NOC3L: variants seen among roughly 807,000 people sequenced by gnomAD.
NOC3L encodes nucleolar complex protein 3 homolog.
NOC3L carries 85 observed loss-of-function variants against 102.5 expected under a neutral mutation model. The observed-to-expected ratio is 0.83, with a 90% CI of 0.70 to 0.99. The LOEUF (loss-of-function observed/expected upper bound fraction) is 0.99. Among genes scored for constraint, NOC3L ranks in the 50% least tolerant of loss-of-function variants. The probability of loss-of-function intolerance (pLI) is 0.00; values close to 1 mark genes in which losing one functional copy is unlikely to be tolerated. For missense variants in NOC3L, 878 were observed against 914.9 expected, an observed-to-expected ratio of 0.96 and a Z score of 0.52; for synonymous variants, 303 against 309.4, an observed-to-expected ratio of 0.98 and a Z score of 0.22.
intron 8 of NOC3L, among the ~76,000 whole-genome samples, chr10:94,351,691 A>ATTT (rs72378230): frequency 1.4e-5 from 2 of 139,994 alleles, no homozygotes; most frequent in Non-Finnish European, 3.1e-5. Context: ...ATCATGCCTA[A>ATTT]TTTTTTTTTT....
intron 4 of NOC3L, 45 bp downstream of exon 4, chr10:94,357,128 TA>T: frequency 7.3e-7 from 1 of 1,361,098 alleles, no homozygotes; most frequent in Non-Finnish European, 9.8e-7. Flanking sequence ...ATGATATCAG[TA>T]AGGGGGTAAA....
Position 94,355,064 on chromosome 10 carries a change from T to G in NOC3L, c.595A>C (p.Thr199Pro). 2 of 1,612,572 alleles carry G rather than the reference T, an allele frequency of 1.2e-6. No individual in the cohort carries two copies. The highest frequency in any genetic ancestry group is 1.7e-6 in the Non-Finnish European group (2 of 1,179,298). ...CTCTCAATCAAATGTTCTTCTATGG[T>G]CAGCTCTTGAATAGGATCTTCAATG... ...EIIEDPIQEL[T>P]IEEHLIERKK... Residue 199 changes from threonine to proline, a missense_variant, in exon 6 of 21, where the codon ACC (threonine) becomes CCC (proline). Transcript: ENST00000371361.
the NOC3L span, among the ~76,000 whole-genome samples, chr10:94,327,119 G>A: frequency 1.2e-4 from 18 of 152,070 alleles, no homozygotes; most frequent in African/African-American, 3.9e-4. Context: ...CCGAGATTGC[G>A]CCACTGCACT....
chr10:94,338,660 G>C lies in NOC3L; in HGVS notation c.2039C>G (p.Pro680Arg). Residue 680 changes from proline (P) to arginine (R), a missense_variant, in exon 18 of 21, where the codon CCT becomes CGT. By Grantham distance (103) the Pro-to-Arg change is moderately radical. Transcript: ENST00000371361. Reference protein sequence around the residue: ...SGVFLPELDEPEYCNAQNTAL... With the variant: ...SGVFLPELDEREYCNAQNTAL... ...AGTGTTCTGAGCATTGCAGTACTCAGGCTCATCCAGTTCAGGAAGGAAAAC... is the reference window on the plus strand; with the variant it reads ...AGTGTTCTGAGCATTGCAGTACTCACGCTCATCCAGTTCAGGAAGGAAAAC... 1 of 1,613,320 alleles carries C rather than the reference G, an allele frequency of 6.2e-7. No homozygotes were observed. The highest frequency in any genetic ancestry group is 8.5e-7 in the Non-Finnish European group (1 of 1,179,450).
chr10:94,346,826 A>C (rs1366624595), intron 10 of NOC3L, among the ~76,000 whole-genome samples: 1 of 152,162 alleles, frequency 6.6e-6, no homozygotes, highest in African/African-American at 2.4e-5. Flanking sequence ...GAGTATAAGG[A>C]AGAGAGAACA....
At position 94,340,438 on chromosome 10, in the gene NOC3L, C is replaced by T; in HGVS notation, c.1703G>A (p.Gly568Glu). The T allele has an allele frequency of 1.2e-6, 2 of 1,607,448 alleles. No homozygotes were observed. The highest frequency in any genetic ancestry group is 2.2e-5 in the South Asian group (2 of 90,804). The change falls in exon 15 of 21, where the codon GGA (glycine) becomes GAA (glutamate). Residue 568 changes from glycine (G) to glutamate (E), a missense_variant. Coordinates refer to ENST00000371361, the MANE Select transcript of NOC3L (RefSeq NM_022451.11). ...CVQTAFHILS[G>E]QGDVLNIDPL... ...TGATTAAGAAAATATCATACCTTGTCCAGAAAGAATATGAAAAGCAGTCTG... is the reference window on the plus strand; with the variant it reads ...TGATTAAGAAAATATCATACCTTGTTCAGAAAGAATATGAAAAGCAGTCTG...
At chr10:94,358,801 TTCTA>T (rs930917068) in intron 2 of NOC3L, among the ~76,000 whole-genome samples, 4 of 152,146 alleles carry the variant, frequency 2.6e-5, no homozygotes, top group African/African-American at 9.7e-5. Flanking sequence ...CCACTCCACT[TTCTA>T]TCTACCTGTG....
chr10:94,350,225 G>A lies in NOC3L; in HGVS notation c.1016C>T (p.Ala339Val), dbSNP rs2054398579. The A allele has an allele frequency of 6.2e-7, 1 of 1,614,066 alleles. No individual in the cohort carries two copies. The highest frequency in any genetic ancestry group is 8.5e-7 in the Non-Finnish European group (1 of 1,179,972). The change falls in exon 9 of 21, where the codon GCA becomes GTA. Residue 339 changes from alanine (A) to valine (V), a missense_variant. By Grantham distance (64) the Ala-to-Val change is moderately conservative. Coordinates refer to ENST00000371361, the MANE Select transcript of NOC3L (RefSeq NM_022451.11). ...ACACAAGCTCTTCACAGCGACTTCT[G>A]CCAGTCCTTTGTATGCCTTTAAGGA... Reference protein sequence around the residue: ...VVSLKAYKGLAEVAVKSLCEL... With the variant: ...VVSLKAYKGLVEVAVKSLCEL...
At chr10:94,315,809 C>A in the NOC3L span, among the ~76,000 whole-genome samples, 1 of 150,100 alleles carries the variant, frequency 6.7e-6, no homozygotes, top group Non-Finnish European at 1.5e-5. Flanking sequence ...AATGGCTCAT[C>A]TTTATTGAGT....
At chr10:94,352,552 T>A (rs1167330135) in intron 7 of NOC3L, 149 bp from the exon 8 acceptor site, 14 of 620,480 alleles carry the variant, frequency 2.3e-5, no homozygotes, top group Admixed American at 1.2e-4. Context: ...CCAGGCGTGG[T>A]GGCTCATGCC....
rs200196729 is a variant in NOC3L at position 94,334,701 on chromosome 10, A to C, written c.2207T>G (p.Phe736Cys). ...CATTTCTGCCATGCTATATGCCTCA[A>C]AAAGTTCAGTAGCAGATCTAAATCA... is the stretch of plus-strand genomic sequence containing the variant. ...ELSRRSATEL[F>C]EAYSMAEMTF... Residue 736 changes from phenylalanine (F) to cysteine (C), a missense_variant, in exon 20 of 21, where the codon TTT (phenylalanine) becomes TGT (cysteine). By Grantham distance (205) the Phe-to-Cys change is radical. Coordinates refer to ENST00000371361, the MANE Select transcript of NOC3L (RefSeq NM_022451.11). The C allele has an allele frequency of 6.2e-7, 1 of 1,612,660 alleles. No homozygotes were observed. Among genetic ancestry groups the C allele is most frequent in the Admixed American group, 1.7e-5 (1 of 59,942 alleles).
rs750653873 is a variant in NOC3L, at chr10:94,346,573, A to T, written c.1258-17T>A. On this transcript the variant is annotated splice_polypyrimidine_tract_variant and intron_variant, in intron 10 of 20. Transcript: ENST00000371361. The stretch of plus-strand genomic sequence containing the variant: ...TTTTAACATCTAATATTGGAAAAAA[A>T]ACACAAATATACAGCTTAATATTTA... The T allele has an allele frequency of 2.0e-5, 26 of 1,301,850 alleles. No individual in the cohort carries two copies. The highest frequency in any genetic ancestry group is 2.7e-5 in the Non-Finnish European group (26 of 967,488). 80.6% of individuals were successfully genotyped at this position (1,301,850 alleles called of 1,614,324 possible).
intron 11 of NOC3L, among the ~76,000 whole-genome samples, chr10:94,345,668 A>G (rs998878567): frequency 2.6e-5 from 4 of 152,186 alleles, no homozygotes; most frequent in Non-Finnish European, 5.9e-5. Context: ...AATAGTTAAA[A>G]TATGTATCTT....
chr10:94,344,945 T>A lies in NOC3L; in HGVS notation c.1390-12A>T. On this transcript the variant is annotated splice_polypyrimidine_tract_variant and intron_variant, in intron 11 of 20. Coordinates refer to ENST00000371361, the MANE Select transcript of NOC3L (RefSeq NM_022451.11). Reference sequence around the variant, plus strand: ...TCTGCTTTCTTCCACTGAAAATAGATTGAAAAACAAAAATCTAAGAGCATA... The same window carrying A: ...TCTGCTTTCTTCCACTGAAAATAGAATGAAAAACAAAAATCTAAGAGCATA... 6.3e-7 allele frequency: 1 copy of A among 1,592,722 alleles called. No individual in the cohort carries two copies. Among genetic ancestry groups the A allele is most frequent in the Non-Finnish European group, 8.5e-7 (1 of 1,172,300 alleles).
chr10:94,344,707 TCA>T (rs1485810058), intron 12 of NOC3L, 144 bp downstream of exon 12: 10 of 694,334 alleles, frequency 1.4e-5, no homozygotes, highest in South Asian at 7.6e-5. Context: ...ACTGATCACA[TCA>T]CAGTTTCCCG....
intron 16 of NOC3L, 66 bp downstream of exon 16, chr10:94,340,210 G>C: frequency 2.3e-6 from 3 of 1,316,200 alleles, no homozygotes; most frequent in Non-Finnish European, 3.2e-6. Context: ...TGTCTACAAT[G>C]ATGGGTCATA....
At chr10:94,318,392 T>A in the NOC3L span, among the ~76,000 whole-genome samples, 1 of 152,212 alleles carries the variant, frequency 6.6e-6, no homozygotes, top group Non-Finnish European at 1.5e-5. Flanking sequence ...TGTCAGAAAA[T>A]CAGTAAATTT....
At chr10:94,316,825 C>T in the NOC3L span, 10,912 of 1,149,960 alleles carry the variant, frequency 9.5e-3, 84 homozygotes, top group Non-Finnish European at 0.012. Context: ...CCACTCACAA[C>T]CTCCCTGAAA....
intron 2 of NOC3L, among the ~76,000 whole-genome samples, chr10:94,358,578 G>A (rs1048119104): frequency 3.3e-5 from 5 of 152,148 alleles, no homozygotes; most frequent in Admixed American, 6.5e-5. Context: ...CTTTCAGGAC[G>A]TTTGGAAACC....
Sources: gnomAD v4.1 joint callset for allele counts (sites outside exome capture counted in the v4.1 genomes callset) on GRCh38, gnomAD v4.1.1 for gene constraint, MANE v1.5 for transcripts, NCBI Gene and HGNC (gene_info 2026-07-23, HGNC 2026-07-21) for gene names.